The following KPNA1 variants were observed in gnomAD, a reference collection of about 807,000 sequenced individuals.
The protein encoded by KPNA1 is karyopherin subunit alpha 1, also known as importin subunit alpha-5.
In KPNA1, 10 loss-of-function variants were observed where a neutral mutation model predicts 70.5. The observed-to-expected ratio is 0.14, with a 90% CI of 0.09 to 0.24. The LOEUF (loss-of-function observed/expected upper bound fraction) is 0.24. Among genes scored for constraint, KPNA1 ranks in the 10% least tolerant of loss-of-function variants. The pLI is 1.00. For synonymous variants in KPNA1, 192 were observed against 221.9 expected, an observed-to-expected ratio of 0.87 and a Z score of 1.20; for missense variants, 397 against 637.9, an observed-to-expected ratio of 0.62 and a Z score of 4.07.
chr3:122,467,974 C>T (rs1396139933), intron 2 of KPNA1, among the ~76,000 whole-genome samples: 1 of 152,196 alleles, frequency 6.6e-6, no homozygotes, highest in African/African-American at 2.4e-5. Flanking sequence ...GAGACTAGTT[C>T]TCTCCAAAGT....
At chr3:122,432,610 G>C (rs1358651870) in intron 12 of KPNA1, 2 of 151,960 alleles carry the variant, frequency 1.3e-5, no homozygotes, top group Non-Finnish European at 2.9e-5. Flanking sequence ...CCTTAATTTT[G>C]GATTCCCCAT....
At chr3:122,470,933 T>A (rs2076435617) in intron 2 of KPNA1, among the ~76,000 whole-genome samples, 1 of 152,118 alleles carries the variant, frequency 6.6e-6, no homozygotes, top group Admixed American at 6.5e-5. Context: ...CTGTCAATAG[T>A]CTAAGTGCAC....
At chr3:122,440,546 A>G (rs905876518) in intron 10 of KPNA1, among the ~76,000 whole-genome samples, 5 of 152,186 alleles carry the variant, frequency 3.3e-5, no homozygotes, top group African/African-American at 7.2e-5. Flanking sequence ...TTCAGAGGGT[A>G]TAAAAGACTC....
At chr3:122,476,330 A>T (rs78336281) in intron 2 of KPNA1, among the ~76,000 whole-genome samples, 3,193 of 152,262 alleles carry the variant, frequency 0.021, 122 homozygotes, top group African/African-American at 0.072. Context: ...TGAAACTGTA[A>T]AACATAGGGA....
intron 5 of KPNA1, chr3:122,459,754 G>A: frequency 8.1e-6 from 8 of 985,430 alleles, no homozygotes; most frequent in Non-Finnish European, 9.6e-6. Context: ...AAAAACTGAT[G>A]TGACATTGAA....
intron 5 of KPNA1, among the ~76,000 whole-genome samples, chr3:122,456,054 C>T (rs999326023): frequency 1.3e-5 from 2 of 152,122 alleles, no homozygotes; most frequent in African/African-American, 4.8e-5. Flanking sequence ...TAATACATTA[C>T]GAAGCCCAGT....
chr3:122,496,510 A>T lies in KPNA1; in HGVS notation c.56T>A (p.Leu19Gln), dbSNP rs2076763233. 1.2e-6 allele frequency: 2 copies of T among 1,613,872 alleles called. No individual in the cohort carries two copies. Among genetic ancestry groups the T allele is most frequent in the East Asian group, 4.5e-5 (2 of 44,876 alleles). ...CCTCCTGCGCATCTCATCGGGATTCAGAGATTTGTTCTTGTAACTTTTCAG... is the reference window on the plus strand; with the variant it reads ...CCTCCTGCGCATCTCATCGGGATTCTGAGATTTGTTCTTGTAACTTTTCAG... ...FRLKSYKNKS[L>Q]NPDEMRRRRE... The change falls in exon 2 of 14, where the codon CTG becomes CAG. Residue 19 changes from leucine to glutamine, a missense_variant. Transcript: ENST00000344337.
At chr3:122,470,559 T>TA (rs538084662) in intron 2 of KPNA1, among the ~76,000 whole-genome samples, 32 of 151,546 alleles carry the variant, frequency 2.1e-4, no homozygotes, top group African/African-American at 7.0e-4. Flanking sequence ...TAAAAATTTT[T>TA]AAAAAAAGTT....
At chr3:122,502,256 C>G (rs546738380) in intron 1 of KPNA1, among the ~76,000 whole-genome samples, 28 of 152,296 alleles carry the variant, frequency 1.8e-4, no homozygotes, top group African/African-American at 6.5e-4. Flanking sequence ...CTGAGAGAGA[C>G]TGAATTGTGC....
Position 122,431,568 on chromosome 3 carries a change from T to C in KPNA1, c.1250+2093A>G, listed in dbSNP as rs116839418. Among the ~76,000 whole-genome samples the C allele has an allele frequency of 8.9e-3, 1,354 of 152,276 alleles. 21 individuals carry two copies. Among genetic ancestry groups the C allele is most frequent in the African/African-American group, 0.031 (1,300 of 41,574 alleles). ...TTTATAAGTGATAAAGTCAGTTTGT[T>C]TTTTGTAATTTGGACTGTAATATTT... On this transcript the variant is annotated intron_variant, in intron 12 of 13. Coordinates refer to ENST00000344337, the MANE Select transcript of KPNA1 (RefSeq NM_002264.4).
At chr3:122,492,929 A>G (rs1471208009) in intron 2 of KPNA1, among the ~76,000 whole-genome samples, 2 of 152,222 alleles carry the variant, frequency 1.3e-5, no homozygotes, top group Non-Finnish European at 2.9e-5. Context: ...CAGTGTTTTT[A>G]TATACATATG....
At chr3:122,503,290 GATAA>G (rs1201305899) in intron 1 of KPNA1, among the ~76,000 whole-genome samples, 10 of 151,870 alleles carry the variant, frequency 6.6e-5, no homozygotes, top group South Asian at 2.1e-4. Context: ...AAGAATAAAT[GATAA>G]ATAAGGCAAA....
chr3:122,428,917 A>G (rs1181239005), intron 12 of KPNA1, among the ~76,000 whole-genome samples: 1 of 152,196 alleles, frequency 6.6e-6, no homozygotes, highest in South Asian at 2.1e-4. Context: ...TAAAGACATC[A>G]TAAGAAAGGA....
At chr3:122,441,980 T>C in intron 10 of KPNA1, 58 bp downstream of exon 10, 1 of 1,096,604 alleles carries the variant, frequency 9.1e-7, no homozygotes, top group Middle Eastern at 2.0e-4. Context: ...AGAAACATGA[T>C]CATGAAGTTC....
At chr3:122,509,485 T>A (rs933202244) in intron 1 of KPNA1, among the ~76,000 whole-genome samples, 4 of 152,102 alleles carry the variant, frequency 2.6e-5, no homozygotes, top group African/African-American at 9.7e-5. Context: ...TCCTAGGGAA[T>A]GAAAAGTAAA....
intron 2 of KPNA1, among the ~76,000 whole-genome samples, chr3:122,474,957 T>C (rs2076481195): frequency 2.6e-5 from 4 of 152,152 alleles, no homozygotes; most frequent in Admixed American, 1.3e-4. Context: ...AAGACAAGGA[T>C]GCCCACTCTT....
intron 2 of KPNA1, among the ~76,000 whole-genome samples, chr3:122,478,244 C>T (rs1295628172): frequency 6.6e-6 from 1 of 151,590 alleles, no homozygotes; most frequent in Non-Finnish European, 1.5e-5. Context: ...TGGGCACACA[C>T]AGGCAAAAAA....
chr3:122,477,894 T>G (rs1249688122), intron 2 of KPNA1, among the ~76,000 whole-genome samples: 1 of 149,514 alleles, frequency 6.7e-6, no homozygotes, highest in African/African-American at 2.5e-5. Context: ...CTGCGTGCAA[T>G]GGCTCATGCC....
chr3:122,450,533 G>A (rs1278818354), intron 8 of KPNA1, among the ~76,000 whole-genome samples: 1 of 152,204 alleles, frequency 6.6e-6, no homozygotes, highest in Non-Finnish European at 1.5e-5. Flanking sequence ...AGTGTGCCGA[G>A]ACCGCGCCAC....
Sources: allele counts gnomAD v4.1 joint callset (sites outside exome capture counted in the v4.1 genomes callset), GRCh38; gene constraint gnomAD v4.1.1; transcripts MANE v1.5; gene names NCBI Gene and HGNC (gene_info 2026-07-23, HGNC 2026-07-21).